The following KIAA0513 variants were observed in gnomAD, a reference collection of about 807,000 sequenced individuals.
KIAA0513 encodes KIAA0513.
KIAA0513 carries 39 observed loss-of-function variants against 56.5 expected under a neutral mutation model. The ratio of observed to expected loss-of-function variants is 0.69; its 90% CI spans 0.53 to 0.90. The LOEUF (loss-of-function observed/expected upper bound fraction) is 0.90, where lower values mean the gene tolerates loss of function less well. KIAA0513 is among the 40% of genes least tolerant of loss of function. KIAA0513 has a pLI of 0.00. For synonymous variants in KIAA0513, 268 were observed against 215.6 expected (o/e 1.24, Z -2.13); for missense variants, 591 against 535.2 (o/e 1.10, Z -1.03).
At chr16:85,046,225 C>G (rs996492254) in intron 1 of KIAA0513, among the ~76,000 whole-genome samples, 1 of 152,202 alleles carries the variant, frequency 6.6e-6, no homozygotes, top group East Asian at 1.9e-4. Context: ...CTGGGCAGTG[C>G]GGCTGCATCT....
chr16:85,049,521 C>T (rs1210598232), intron 1 of KIAA0513, among the ~76,000 whole-genome samples: 2 of 152,172 alleles, frequency 1.3e-5, no homozygotes, highest in Admixed American at 6.5e-5. Context: ...TGGTTTAGTG[C>T]CATCCCCCTT....
intron 1 of KIAA0513, among the ~76,000 whole-genome samples, chr16:85,052,905 T>G (rs1387354259): frequency 6.6e-6 from 1 of 152,150 alleles, no homozygotes; most frequent in African/African-American, 2.4e-5. Context: ...TTATTTTTTT[T>G]ATTTTGAGAC....
At chr16:85,071,964 A>G in intron 3 of KIAA0513, 82 bp downstream of exon 3, 1 of 911,138 alleles carries the variant, frequency 1.1e-6, no homozygotes, top group Middle Eastern at 2.2e-4. Flanking sequence ...ACTTTATCCT[A>G]CAATGACACT....
In KIAA0513 at chr16:85,067,199, C is replaced by T. The variant is rs1322815355; in HGVS notation, c.128C>T (p.Ser43Leu). 1 of 1,614,168 alleles carries T rather than the reference C, an allele frequency of 6.2e-7. No homozygotes were observed. Among genetic ancestry groups the T allele is most frequent in the Non-Finnish European group, 8.5e-7 (1 of 1,180,012 alleles). The change falls in exon 2 of 13, where the codon TCA becomes TTA. Residue 43 changes from serine (S) to leucine (L), a missense_variant. Coordinates refer to ENST00000683363, the MANE Select transcript of KIAA0513 (RefSeq NM_001388359.1). ...DGDGSLGDGA[S>L]ESETTESADS... The stretch of plus-strand genomic sequence containing the variant: ...GATGGCTCCCTGGGGGACGGTGCAT[C>T]AGAGAGTGAGACCACTGAGTCTGCG...
chr16:85,082,252 G>A (rs1181474575), intron 9 of KIAA0513, among the ~76,000 whole-genome samples: 3 of 152,136 alleles, frequency 2.0e-5, no homozygotes, highest in East Asian at 1.9e-4. Flanking sequence ...TGCCATGGCC[G>A]CATTTCCTGG....
chr16:85,046,855 C>T (rs1270190882), intron 1 of KIAA0513, among the ~76,000 whole-genome samples: 1 of 152,208 alleles, frequency 6.6e-6, no homozygotes, highest in Non-Finnish European at 1.5e-5. Flanking sequence ...GAATACCCCT[C>T]CTTACTTCTT....
intron 4 of KIAA0513, among the ~76,000 whole-genome samples, chr16:85,074,954 G>A (rs1454171410): frequency 2.0e-5 from 3 of 151,542 alleles, no homozygotes; most frequent in Non-Finnish European, 2.9e-5. Flanking sequence ...CGTTGGGGAG[G>A]GAGGGGATTA....
At chr16:85,054,771 T>C (rs1567529762) in intron 1 of KIAA0513, among the ~76,000 whole-genome samples, 1 of 151,570 alleles carries the variant, frequency 6.6e-6, no homozygotes, top group South Asian at 2.1e-4. Flanking sequence ...TCGCCAGCAG[T>C]GTGCCCTTCC....
chr16:85,029,785 C>T (rs1160748958), intron 1 of KIAA0513, among the ~76,000 whole-genome samples: 1 of 152,200 alleles, frequency 6.6e-6, no homozygotes, highest in African/African-American at 2.4e-5. Context: ...CCCTATTGCC[C>T]GTAATAACCC....
intron 8 of KIAA0513, chr16:85,079,544 A>G (rs904868555): frequency 6.4e-6 from 1 of 156,054 alleles, no homozygotes; most frequent in African/African-American, 2.4e-5. Context: ...GAAGCCAGAC[A>G]CAGAAGCCCA....
In KIAA0513 at chr16:85,081,498, G is replaced by A. The variant is rs2073743621; in HGVS notation, c.980+106G>A. ...AGCAGAAGAGCAGCTGAGTGGACGT[G>A]TCTGTTTTTTCTTCACCCCCTCATG... is the stretch of plus-strand genomic sequence containing the variant. On this transcript the variant is annotated intron_variant, in intron 9 of 12. Transcript: ENST00000683363. The surrounding 1 kb of genome is among the most constrained non-coding windows in gnomAD (Gnocchi z 4.4). The A allele has an allele frequency of 7.7e-6, 8 of 1,043,986 alleles. 1 individual carries two copies. In the Admixed American group the frequency reaches 1.6e-4, roughly 21 times the overall value. 64.7% of individuals were successfully genotyped at this position (1,043,986 alleles called of 1,614,324 possible). A position where few individuals can be genotyped will look rare whatever the true frequency, so the allele number is the denominator to read the frequency against.
intron 1 of KIAA0513, among the ~76,000 whole-genome samples, chr16:85,059,102 C>A (rs2073368727): frequency 6.6e-6 from 1 of 152,256 alleles, no homozygotes; most frequent in Admixed American, 6.5e-5. Flanking sequence ...TTGACATGGA[C>A]TGTTGGACCA....
At chr16:85,074,811 G>A (rs2073633297) in intron 4 of KIAA0513, among the ~76,000 whole-genome samples, 1 of 152,188 alleles carries the variant, frequency 6.6e-6, no homozygotes, top group Admixed American at 6.5e-5. Context: ...GACATTTGCA[G>A]TCACAGGCAT....
intron 1 of KIAA0513, among the ~76,000 whole-genome samples, chr16:85,030,102 C>T (rs1007611331): frequency 3.9e-5 from 6 of 152,304 alleles, no homozygotes; most frequent in Admixed American, 6.5e-5. Flanking sequence ...ACCACCTCCC[C>T]GGCTTACCGA....
intron 10 of KIAA0513, among the ~76,000 whole-genome samples, chr16:85,085,730 A>AG (rs2073800469): frequency 6.6e-6 from 1 of 152,170 alleles, no homozygotes; most frequent in Non-Finnish European, 1.5e-5. Context: ...TGGACAGGTG[A>AG]GGGATTAACA....
chr16:85,052,469 G>C (rs148254360), intron 1 of KIAA0513, among the ~76,000 whole-genome samples: 1 of 152,034 alleles, frequency 6.6e-6, no homozygotes, highest in African/African-American at 2.4e-5. Context: ...CCATTGCATC[G>C]TGCCATTGCA....
Position 85,087,143 on chromosome 16 carries a change from CTG to C in KIAA0513, c.1166_1167del (p.Val389AspfsTer6). On this transcript the variant is annotated frameshift_variant, in exon 12 of 13. Coordinates refer to ENST00000683363, the MANE Select transcript of KIAA0513 (RefSeq NM_001388359.1). LOFTEE classifies it high-confidence loss of function. ...TGCAATGACTTCCTGAAGAAGCAGG[CTG>C]TGATTGGCAACCTGGATGAAGGTGC... is the stretch of plus-strand genomic sequence containing the variant. The C allele has an allele frequency of 1.9e-6, 3 of 1,614,130 alleles. No homozygotes were observed. Among genetic ancestry groups the C allele is most frequent in the Non-Finnish European group, 2.5e-6 (3 of 1,179,968 alleles).
At chr16:85,036,877 G>C (rs2073043434) in intron 1 of KIAA0513, among the ~76,000 whole-genome samples, 1 of 152,172 alleles carries the variant, frequency 6.6e-6, no homozygotes, top group South Asian at 2.1e-4. Context: ...GGCAGCGTGT[G>C]TCTGAGGCCC....
intron 1 of KIAA0513, among the ~76,000 whole-genome samples, chr16:85,060,542 T>C (rs549787217): frequency 6.6e-5 from 10 of 152,192 alleles, no homozygotes; most frequent in Non-Finnish European, 1.2e-4. Context: ...CACCTTACAG[T>C]TGAAATGAAG....
Sources: allele counts gnomAD v4.1 joint callset (sites outside exome capture counted in the v4.1 genomes callset), GRCh38; gene constraint gnomAD v4.1.1; non-coding constraint Gnocchi (gnomAD v3.1); transcripts MANE v1.5; gene names NCBI Gene and HGNC (gene_info 2026-07-23, HGNC 2026-07-21).